Variants in PDCD11 observed in about 807,000 individuals in gnomAD.
PDCD11 encodes the protein protein RRP5 homolog.
Under a neutral mutation model 198.9 loss-of-function variants are expected in PDCD11, and 97 were observed. The ratio of observed to expected loss-of-function variants is 0.49; its 90% CI spans 0.41 to 0.58. PDCD11 has a LOEUF of 0.58. PDCD11 is among the 20% of genes least tolerant of loss of function. The probability of loss-of-function intolerance (pLI) is 0.00; values close to 1 mark genes in which losing one functional copy is unlikely to be tolerated. For missense variants in PDCD11, 2,102 were observed against 2,312.7 expected (o/e 0.91, Z 1.87); for synonymous variants, 893 against 918.0 (o/e 0.97, Z 0.49).
intron 4 of PDCD11, 49 bp from the exon 5 acceptor site, chr10:103,404,973 G>C (rs368056299): frequency 1.3e-6 from 2 of 1,565,110 alleles, no homozygotes; most frequent in Non-Finnish European, 1.7e-6. Context: ...ATGGATTTTT[G>C]GTTCAGGAGA....
At position 103,416,709 on chromosome 10, in the gene PDCD11, C is replaced by A. The variant is rs1168294529; in HGVS notation, c.1737C>A (p.Ile579=). The change falls in exon 13 of 36, where the codon ATC becomes ATA. Residue 579 remains isoleucine (I), a synonymous_variant. Transcript: ENST00000369797. ...VPKHELSTEY[I]PDPERVFYTG... is the part of the protein sequence containing the mutation. ...AGCATGAGCTCAGTACTGAGTATAT[C>A]CCTGACCCGGAGAGAGTTTTTTACA... 1.2e-6 allele frequency: 2 copies of A among 1,614,052 alleles called. No individual in the cohort carries two copies. The highest frequency in any genetic ancestry group is 1.7e-6 in the Non-Finnish European group (2 of 1,180,034).
chr10:103,419,501 GC>G, intron 15 of PDCD11, 36 bp from the exon 16 acceptor site: 1 of 1,593,140 alleles, frequency 6.3e-7, no homozygotes. Context: ...CATTTCATCT[GC>G]CCTTTCTGGA....
Position 103,415,414 on chromosome 10 carries a change from C to T in PDCD11, c.1518+263C>T, listed in dbSNP as rs117867078. Among the ~76,000 whole-genome samples the T allele has an allele frequency of 2.0e-4, 30 of 152,268 alleles. No homozygotes were observed. The East Asian group carries it at 3.3e-3, about 17-fold the overall frequency. ...GTGCAGGTTGTGTGCTGTGGTCACACCTGAGAAAGGGGAGGTGAGGGTGGG... is the reference window on the plus strand; with the variant it reads ...GTGCAGGTTGTGTGCTGTGGTCACATCTGAGAAAGGGGAGGTGAGGGTGGG... On this transcript the variant is annotated intron_variant, in intron 12 of 35. Coordinates refer to ENST00000369797, the MANE Select transcript of PDCD11 (RefSeq NM_014976.2).
Position 103,414,129 on chromosome 10 carries a change from C to T in PDCD11, c.1310+39C>T, listed in dbSNP as rs374334507. On this transcript the variant is annotated intron_variant, in intron 10 of 35. Transcript: ENST00000369797. ...TAACAGGTAGGGGTGTAGAGATGTG[C>T]ACCTGTACATGTTCATATTCCATTT... 60 of 1,594,056 alleles carry T rather than the reference C, an allele frequency of 3.8e-5. No homozygotes were observed. In the African/African-American group the frequency reaches 7.5e-4, roughly 20 times the overall value.
At position 103,421,679 on chromosome 10, in the gene PDCD11, T is replaced by G. The variant is rs1033190124; in HGVS notation, c.2497+112T>G. On this transcript the variant is annotated intron_variant, in intron 17 of 35. Transcript: ENST00000369797. Reference sequence around the variant, plus strand: ...TTCCCAGAACATAAGAAAAAAAAATTTGGGGCCGGGCGCGGTGGCTCACGC... The same window carrying G: ...TTCCCAGAACATAAGAAAAAAAAATGTGGGGCCGGGCGCGGTGGCTCACGC... The G allele has an allele frequency of 7.9e-5, 70 of 889,768 alleles. No individual in the cohort carries two copies. The Admixed American group carries it at 1.7e-3, about 22-fold the overall frequency. The allele number at this position is 889,768 out of a possible 1,614,324, so 55.1% of individuals were successfully genotyped here.
intron 4 of PDCD11, among the ~76,000 whole-genome samples, chr10:103,403,776 G>A (rs181305753): frequency 8.5e-5 from 13 of 152,300 alleles, no homozygotes; most frequent in Admixed American, 6.5e-4. Flanking sequence ...TCTTGTAGTC[G>A]TTCACGTCCT....
intron 27 of PDCD11, 35 bp downstream of exon 27, chr10:103,438,843 G>A (rs1207162209): frequency 6.2e-7 from 1 of 1,611,962 alleles, no homozygotes; most frequent in East Asian, 2.2e-5. Flanking sequence ...GGACCCAAGT[G>A]CCTTCCCTGA....
chr10:103,398,465 A>G lies in PDCD11; in HGVS notation c.39A>G (p.Thr13=). The change falls in exon 2 of 36, where the codon ACA becomes ACG. Residue 13 remains threonine, a synonymous_variant. Coordinates refer to ENST00000369797, the MANE Select transcript of PDCD11 (RefSeq NM_014976.2). ...AAGAAAGCTTCCCCCGAGGAGGTAC[A>G]AGAAAGATCCACAAACCAGAGAAAG... is the stretch of plus-strand genomic sequence containing the variant. The part of the protein sequence containing the change: ...NLEESFPRGG[T]RKIHKPEKAF... 6.2e-7 allele frequency: 1 copy of G among 1,614,200 alleles called. No individual in the cohort carries two copies. The highest frequency in any genetic ancestry group is 8.5e-7 in the Non-Finnish European group (1 of 1,180,002).
intron 18 of PDCD11, 67 bp from the exon 19 acceptor site, chr10:103,423,476 G>A: frequency 8.5e-7 from 1 of 1,174,428 alleles, no homozygotes. Flanking sequence ...GCAGCTACAT[G>A]TGAGAGGTGC....
At position 103,398,453 on chromosome 10, in the gene PDCD11, C is replaced by G; in HGVS notation, c.27C>G (p.Pro9=). MANLEESF[P]RGGTRKIHKP... ...TGGCAAACCTGGAAGAAAGCTTCCC[C>G]CGAGGAGGTACAAGAAAGATCCACA... The change falls in exon 2 of 36, where the codon CCC becomes CCG. Residue 9 remains proline (P), a synonymous_variant. Coordinates refer to ENST00000369797, the MANE Select transcript of PDCD11 (RefSeq NM_014976.2). The G allele has an allele frequency of 6.2e-7, 1 of 1,613,960 alleles. No individual in the cohort carries two copies. Among genetic ancestry groups the G allele is most frequent in the Non-Finnish European group, 8.5e-7 (1 of 1,179,880 alleles).
At chr10:103,409,961 TG>T (rs1480258614) in intron 8 of PDCD11, among the ~76,000 whole-genome samples, 155 bp downstream of exon 8, 1 of 152,108 alleles carries the variant, frequency 6.6e-6, no homozygotes, top group African/African-American at 2.4e-5. Flanking sequence ...GGAGGCCAGA[TG>T]CAGTGGCTCA....
intron 25 of PDCD11, among the ~76,000 whole-genome samples, chr10:103,435,811 C>T (rs538035981): frequency 1.6e-4 from 25 of 152,222 alleles, no homozygotes; most frequent in African/African-American, 4.6e-4. Flanking sequence ...CGGTGCCTGG[C>T]CCTTTTGCAT....
intron 25 of PDCD11, among the ~76,000 whole-genome samples, chr10:103,435,601 C>T (rs986497930): frequency 6.6e-6 from 1 of 151,742 alleles, no homozygotes; most frequent in African/African-American, 2.4e-5. Flanking sequence ...CTGCAGTCTC[C>T]TCCCAAGTTC....
chr10:103,439,324 A>G (rs1409922401), intron 27 of PDCD11, among the ~76,000 whole-genome samples: 1 of 152,208 alleles, frequency 6.6e-6, no homozygotes, highest in Non-Finnish European at 1.5e-5. Flanking sequence ...CCTGGGAGGC[A>G]GTGATACCCT....
At chr10:103,420,068 G>A (rs753999478) in intron 16 of PDCD11, among the ~76,000 whole-genome samples, 6 of 150,678 alleles carry the variant, frequency 4.0e-5, no homozygotes, top group Admixed American at 6.7e-5. Context: ...AAAGTGCTGC[G>A]ATTACAGGTG....
intron 25 of PDCD11, among the ~76,000 whole-genome samples, chr10:103,435,904 T>G (rs1219033793): frequency 6.6e-6 from 1 of 152,202 alleles, no homozygotes; most frequent in African/African-American, 2.4e-5. Context: ...CCAAAATGAC[T>G]GTGCTAATTT....
At chr10:103,443,877 A>G (rs1457915253) in intron 33 of PDCD11, 38 bp from the exon 34 acceptor site, 5 of 1,605,740 alleles carry the variant, frequency 3.1e-6, no homozygotes, top group African/African-American at 1.3e-5. Context: ...CCTCTGTAGT[A>G]TCACACTCTC....
At chr10:103,425,710 C>T (rs1192009948) in intron 20 of PDCD11, among the ~76,000 whole-genome samples, 185 bp downstream of exon 20, 1 of 151,870 alleles carries the variant, frequency 6.6e-6, no homozygotes. Context: ...GACGGAGTCT[C>T]ACTCTGTTGC....
At position 103,439,764 on chromosome 10, in the gene PDCD11, G is replaced by A; in HGVS notation, c.4044G>A (p.Val1348=). ...CTTTCAGCCTTGGCCCCTCCGTTGTGGGTTTGGCTCGGTACTCCCATGTCT... is the reference window on the plus strand; with the variant it reads ...CTTTCAGCCTTGGCCCCTCCGTTGTAGGTTTGGCTCGGTACTCCCATGTCT... ...GVFFRLGPSV[V]GLARYSHVSQ... The change falls in exon 28 of 36, where the codon GTG becomes GTA. Residue 1348 remains valine (V), a synonymous_variant. Coordinates refer to ENST00000369797, the MANE Select transcript of PDCD11 (RefSeq NM_014976.2). The A allele has an allele frequency of 1.2e-6, 2 of 1,614,152 alleles. No individual in the cohort carries two copies. The highest frequency in any genetic ancestry group is 1.7e-6 in the Non-Finnish European group (2 of 1,180,030).
Sources: gnomAD v4.1 joint callset for allele counts (sites outside exome capture counted in the v4.1 genomes callset) on GRCh38, gnomAD v4.1.1 for gene constraint, MANE v1.5 for transcripts, NCBI Gene and HGNC (gene_info 2026-07-23, HGNC 2026-07-21) for gene names.